Variants in ELMOD2 observed in about 807,000 individuals in gnomAD.
The protein encoded by ELMOD2 is ELMO domain containing 2.
A neutral mutation model predicts 41.0 loss-of-function variants in ELMOD2; 28 were observed. That is an observed-to-expected ratio of 0.68 (90% confidence interval 0.51 to 0.94). The LOEUF (loss-of-function observed/expected upper bound fraction) is 0.94, where lower values mean the gene tolerates loss of function less well. Among genes scored for constraint, ELMOD2 ranks in the 40% least tolerant of loss-of-function variants. The pLI is 0.00. For missense variants in ELMOD2, 333 were observed against 343.1 expected, an observed-to-expected ratio of 0.97 and a Z score of 0.23; for synonymous variants, 106 against 107.2, an observed-to-expected ratio of 0.99 and a Z score of 0.07.
intron 5 of ELMOD2, among the ~76,000 whole-genome samples, chr4:140,538,814 T>A (rs1375459893): frequency 6.6e-6 from 1 of 152,240 alleles, no homozygotes; most frequent in African/African-American, 2.4e-5. Context: ...TAGCATTTAC[T>A]ATGTACACTC....
intron 3 of ELMOD2, among the ~76,000 whole-genome samples, chr4:140,531,714 A>C (rs1734753803): frequency 6.6e-6 from 1 of 152,258 alleles, no homozygotes; most frequent in Non-Finnish European, 1.5e-5. Flanking sequence ...GCCTATAGTC[A>C]TTCAAAGTAT....
intron 5 of ELMOD2, among the ~76,000 whole-genome samples, chr4:140,539,812 C>T (rs999004912): frequency 2.0e-5 from 3 of 152,126 alleles, no homozygotes; most frequent in African/African-American, 7.2e-5. Context: ...ATTAACCCAC[C>T]ATTATAATAG....
chr4:140,535,011 C>T (rs1037844653), intron 3 of ELMOD2, among the ~76,000 whole-genome samples: 1 of 152,132 alleles, frequency 6.6e-6, no homozygotes, highest in African/African-American at 2.4e-5. Flanking sequence ...TTCCTGTACT[C>T]ATATTATCTC....
At chr4:140,535,636 T>G in intron 3 of ELMOD2, 97 bp from the exon 4 acceptor site, 4 of 1,161,404 alleles carry the variant, frequency 3.4e-6, no homozygotes, top group Non-Finnish European at 4.9e-6. Context: ...TTTTGCATTT[T>G]TAATATCTAC....
chr4:140,549,951 T>A (rs1225141876), intron 8 of ELMOD2, among the ~76,000 whole-genome samples: 2 of 152,080 alleles, frequency 1.3e-5, no homozygotes, highest in Admixed American at 6.6e-5. Context: ...TCTCTGAAAG[T>A]GCTGAGAGTT....
At chr4:140,546,054 C>T (rs1431480943) in intron 8 of ELMOD2, among the ~76,000 whole-genome samples, 1 of 152,094 alleles carries the variant, frequency 6.6e-6, no homozygotes, top group Non-Finnish European at 1.5e-5. Context: ...TATTGCGGCA[C>T]TACTCACAAT....
chr4:140,527,597 C>A, intron 3 of ELMOD2, 103 bp downstream of exon 3: 3 of 941,574 alleles, frequency 3.2e-6, no homozygotes, highest in Non-Finnish European at 4.7e-6. Flanking sequence ...CTATAGTGAG[C>A]ATTGAGTGAA....
At chr4:140,526,566 A>G (rs1479933349) in intron 2 of ELMOD2, 14 of 152,146 alleles carry the variant, frequency 9.2e-5, no homozygotes. Flanking sequence ...TGAGAAATCA[A>G]CCCCTGTCAG....
rs1735483314 is a variant in ELMOD2 at position 140,552,017 on chromosome 4, T to C, written c.*1642T>C. ...TTTCTTGTAGGGGACATCTCAACTT[T>C]GGGAATATCTTCACTTAATTTTTAA... is the stretch of plus-strand genomic sequence containing the variant. On this transcript the variant is annotated 3_prime_UTR_variant, in exon 9 of 9. Transcript: ENST00000323570. 6.6e-6 allele frequency: 1 copy of C among 152,108 alleles called. No individual in the cohort carries two copies. The highest frequency in any genetic ancestry group is 1.5e-5 in the Non-Finnish European group (1 of 67,938). The allele number at this position is 152,108 out of a possible 1,614,324, so 9.4% of individuals were successfully genotyped here. A position where few individuals can be genotyped will look rare whatever the true frequency, so the allele number is the denominator to read the frequency against.
Position 140,525,608 on chromosome 4 carries a change from T to TA in ELMOD2, c.142+38_142+39insA, listed in dbSNP as rs773982149. ...AAAAAGAAAAAGTACTAATAAAAGT[T>TA]TAACGGAGTGTTTTTCTCAGGACTC... is the stretch of plus-strand genomic sequence containing the variant. On this transcript the variant is annotated intron_variant, in intron 2 of 8. Coordinates refer to ENST00000323570, the MANE Select transcript of ELMOD2 (RefSeq NM_153702.4). 5 of 1,576,320 alleles carry TA rather than the reference T, an allele frequency of 3.2e-6. No homozygotes were observed. The South Asian group carries it at 5.9e-5, about 19-fold the overall frequency.
At chr4:140,530,062 A>T (rs1454117537) in intron 3 of ELMOD2, among the ~76,000 whole-genome samples, 1 of 152,248 alleles carries the variant, frequency 6.6e-6, no homozygotes, top group Non-Finnish European at 1.5e-5. Flanking sequence ...AGGATAAAGA[A>T]TAATAAGTAA....
intron 8 of ELMOD2, among the ~76,000 whole-genome samples, chr4:140,545,804 TA>T (rs1735256524): frequency 6.6e-6 from 1 of 152,124 alleles, no homozygotes; most frequent in Non-Finnish European, 1.5e-5. Flanking sequence ...TCACACCAGT[TA>T]GAATGGCGAT....
At position 140,550,425 on chromosome 4, in the gene ELMOD2, A is replaced by G; in HGVS notation, c.*50A>G. The G allele has an allele frequency of 6.6e-7, 1 of 1,508,424 alleles. No homozygotes were observed. 93.4% of individuals were successfully genotyped at this position (1,508,424 alleles called of 1,614,324 possible). On this transcript the variant is annotated 3_prime_UTR_variant, in exon 9 of 9. Coordinates refer to ENST00000323570, the MANE Select transcript of ELMOD2 (RefSeq NM_153702.4). ...TACCACATTTTGCACATTCAACAGA[A>G]TTTATATGTTGTAATAGGAATTATC...
At chr4:140,530,584 T>C (rs1400001839) in intron 3 of ELMOD2, among the ~76,000 whole-genome samples, 1 of 152,210 alleles carries the variant, frequency 6.6e-6, no homozygotes, top group Non-Finnish European at 1.5e-5. Flanking sequence ...TGTATTCTTA[T>C]GAACTTCATT....
chr4:140,549,408 T>C (rs1050668186), intron 8 of ELMOD2, among the ~76,000 whole-genome samples: 1 of 151,844 alleles, frequency 6.6e-6, no homozygotes, highest in Non-Finnish European at 1.5e-5. Flanking sequence ...TGAAATACAT[T>C]TAACATTTTG....
At chr4:140,534,836 T>G (rs1283663956) in intron 3 of ELMOD2, among the ~76,000 whole-genome samples, 1 of 152,132 alleles carries the variant, frequency 6.6e-6, no homozygotes, top group African/African-American at 2.4e-5. Flanking sequence ...TGAAAGGAAG[T>G]AGGTAACTCT....
intron 5 of ELMOD2, among the ~76,000 whole-genome samples, 181 bp downstream of exon 5, chr4:140,537,722 T>G (rs576410212): frequency 1.3e-5 from 2 of 151,460 alleles, no homozygotes; most frequent in African/African-American, 4.8e-5. Context: ...GTTAGGTATT[T>G]TTATCATTTT....
intron 3 of ELMOD2, among the ~76,000 whole-genome samples, chr4:140,528,165 G>A (rs908844659): frequency 6.6e-6 from 1 of 152,184 alleles, no homozygotes; most frequent in South Asian, 2.1e-4. Flanking sequence ...CAACCTGTTA[G>A]TTAAAACAAG....
rs905989164 is a variant in ELMOD2, at chr4:140,552,508, C to T, written c.*2133C>T. 2 of 152,018 alleles carry T rather than the reference C, an allele frequency of 1.3e-5. No individual in the cohort carries two copies. Among genetic ancestry groups the T allele is most frequent in the African/African-American group, 4.8e-5 (2 of 41,412 alleles). The allele number at this position is 152,018 out of a possible 1,614,324, so 9.4% of individuals were successfully genotyped here. ...GTCTAGAAGCCAAGCAAACTGTCAC[C>T]AATGTCAGTTGTAAATTAGAATGCA... On this transcript the variant is annotated 3_prime_UTR_variant, in exon 9 of 9. Transcript: ENST00000323570.
Sources: gnomAD v4.1 joint callset for allele counts (sites outside exome capture counted in the v4.1 genomes callset) on GRCh38, gnomAD v4.1.1 for gene constraint, MANE v1.5 for transcripts, NCBI Gene and HGNC (gene_info 2026-07-23, HGNC 2026-07-21) for gene names.